NOTUM: variants seen among roughly 807,000 people sequenced by gnomAD.
NOTUM encodes the protein notum, palmitoleoyl-protein carboxylesterase.
A neutral mutation model predicts 65.5 loss-of-function variants in NOTUM; 36 were observed. The observed-to-expected ratio is 0.55, with a 90% CI of 0.42 to 0.73. The LOEUF is 0.73. Ranked by LOEUF, NOTUM falls within the 30% of genes least tolerant of loss-of-function variation. The pLI is 0.00. For synonymous variants in NOTUM, 356 were observed against 297.9 expected, an observed-to-expected ratio of 1.20 and a Z score of -2.01; for missense variants, 659 against 694.2, an observed-to-expected ratio of 0.95 and a Z score of 0.57.
rs1272626785 is a variant in NOTUM at position 81,959,014 on chromosome 17, T to C, written c.473-19A>G. On this transcript the variant is annotated intron_variant, in intron 3 of 10. Transcript: ENST00000409678. ...CCTGTGCCTGGGGACACAGAGGCGG[T>C]GGGTCTTTCTAGCGGGAGGAGGCTG... 6.2e-7 allele frequency: 1 copy of C among 1,609,762 alleles called. No homozygotes were observed. The highest frequency in any genetic ancestry group is 8.5e-7 in the Non-Finnish European group (1 of 1,177,252).
rs958920873 is a variant in NOTUM at position 81,960,448 on chromosome 17, C to T, written c.323+139G>A. ...ACGCGGAGAGTCACCGAACCGGGCACTCCTCGGGGCCAGGACCGCGGGGCG... is the reference window on the plus strand; with the variant it reads ...ACGCGGAGAGTCACCGAACCGGGCATTCCTCGGGGCCAGGACCGCGGGGCG... On this transcript the variant is annotated intron_variant, in intron 1 of 10. Transcript: ENST00000409678. The surrounding 1 kb of genome is among the most constrained non-coding windows in gnomAD (Gnocchi z 6.4). 4 of 566,558 alleles carry T rather than the reference C, an allele frequency of 7.1e-6. No individual in the cohort carries two copies. The highest frequency in any genetic ancestry group is 7.2e-5 in the Admixed American group (2 of 27,892). 35.1% of individuals were successfully genotyped at this position (566,558 alleles called of 1,614,324 possible). A position where few individuals can be genotyped will look rare whatever the true frequency, so the allele number is the denominator to read the frequency against.
chr17:81,955,823 T>C (rs1406962179), intron 8 of NOTUM, among the ~76,000 whole-genome samples: 1 of 73,036 alleles, frequency 1.4e-5, no homozygotes, highest in East Asian at 4.0e-4. Context: ...GCCCCTGCAG[T>C]GCCCCCCATC....
intron 9 of NOTUM, 82 bp downstream of exon 9, chr17:81,955,312 TTTC>T (rs1409325602): frequency 5.5e-6 from 7 of 1,265,642 alleles, no homozygotes; most frequent in Non-Finnish European, 6.5e-6. Context: ...TGTTCTGGTT[TTTC>T]TTCTTTTGTT....
At chr17:81,958,261 C>T (rs1361794659) in intron 5 of NOTUM, 74 bp downstream of exon 5, 4 of 993,984 alleles carry the variant, frequency 4.0e-6, no homozygotes, top group Non-Finnish European at 6.4e-6. Flanking sequence ...CCTGCCCTGC[C>T]GTCCTGCCTC....
At chr17:81,959,090 C>A in intron 3 of NOTUM, 95 bp from the exon 4 acceptor site, 1 of 1,057,038 alleles carries the variant, frequency 9.5e-7, no homozygotes, top group South Asian at 1.3e-5. Context: ...TCCTACTTGG[C>A]CCCAGGAAGG....
chr17:81,958,195 G>T (rs539690893), intron 5 of NOTUM, 140 bp downstream of exon 5: 8 of 671,500 alleles, frequency 1.2e-5, no homozygotes, highest in African/African-American at 1.1e-4. Flanking sequence ...GGCTTTGAAA[G>T]CACGACAAGG....
chr17:81,953,340 T>G, intron 10 of NOTUM, 73 bp from the exon 11 acceptor site: 1 of 977,278 alleles, frequency 1.0e-6, no homozygotes, highest in South Asian at 1.6e-5. Flanking sequence ...GTTTTTTTTT[T>G]TGAGACCAGC....
At chr17:81,957,436 G>A (rs1424615199) in intron 6 of NOTUM, among the ~76,000 whole-genome samples, 1 of 152,134 alleles carries the variant, frequency 6.6e-6, no homozygotes, top group African/African-American at 2.4e-5. Context: ...TGCCTGCTGG[G>A]ATACAGGAAC....
At position 81,961,154 on chromosome 17, in the gene NOTUM, G is replaced by A. The variant is rs2041475346; in HGVS notation, c.-245C>T. 6.7e-6 allele frequency: 1 copy of A among 149,790 alleles called. No homozygotes were observed. Among genetic ancestry groups the A allele is most frequent in the African/African-American group, 2.4e-5 (1 of 41,004 alleles). The allele number at this position is 149,790 out of a possible 1,614,324, so 9.3% of individuals were successfully genotyped here. A position where few individuals can be genotyped will look rare whatever the true frequency, so the allele number is the denominator to read the frequency against. On this transcript the variant is annotated 5_prime_UTR_variant, in exon 1 of 11. Transcript: ENST00000409678. ...CGCCCGGCCGTCCGAGGGCAGCGCAGGGTCTGGGTGCGCTGGCTGCGGCCC... is the reference window on the plus strand; with the variant it reads ...CGCCCGGCCGTCCGAGGGCAGCGCAAGGTCTGGGTGCGCTGGCTGCGGCCC...
Position 81,958,379 on chromosome 17 carries a change from C to T in NOTUM, c.548G>A (p.Cys183Tyr). ...AGCCCCGCTCCAAACATCACTGGAG[C>T]AGTAGGGGATGAAGCTGCAACACAG... ...WNANMVFIPY[C>Y]SSDVWSGASS... Residue 183 changes from cysteine to tyrosine, a missense_variant, in exon 5 of 11, where the codon TGC (cysteine) becomes TAC (tyrosine). Physicochemically the swap from Cys to Tyr is radical, Grantham distance 194 (BLOSUM62 -2). Transcript: ENST00000409678. The T allele has an allele frequency of 6.2e-7, 1 of 1,610,616 alleles. No homozygotes were observed.
In NOTUM at chr17:81,958,532, C is replaced by T. The variant is rs1342917774; in HGVS notation, c.534-139G>A. On this transcript the variant is annotated intron_variant, in intron 4 of 10. Coordinates refer to ENST00000409678, the MANE Select transcript of NOTUM (RefSeq NM_178493.6). ...GAAGGACCATCCCAGGATAGAACTT[C>T]CCCTCAAGAAAGACCTCCAGCGTAA... 6 of 654,258 alleles carry T rather than the reference C, an allele frequency of 9.2e-6. No individual in the cohort carries two copies. In the African/African-American group the frequency reaches 1.1e-4, roughly 12 times the overall value. 40.5% of individuals were successfully genotyped at this position (654,258 alleles called of 1,614,324 possible).
intron 9 of NOTUM, among the ~76,000 whole-genome samples, chr17:81,954,629 G>T (rs1033247693): frequency 2.6e-5 from 4 of 152,142 alleles, no homozygotes; most frequent in African/African-American, 9.7e-5. Flanking sequence ...TGGCTCTATC[G>T]CCCCAGCTGG....
intron 8 of NOTUM, among the ~76,000 whole-genome samples, chr17:81,955,854 C>T (rs1203913157): frequency 1.5e-5 from 2 of 137,112 alleles, no homozygotes; most frequent in East Asian, 4.4e-4. Flanking sequence ...AGCTCAGCAC[C>T]CCCCAGGCCC....
chr17:81,960,496 C>G lies in NOTUM; in HGVS notation c.323+91G>C. On this transcript the variant is annotated intron_variant, in intron 1 of 10. Coordinates refer to ENST00000409678, the MANE Select transcript of NOTUM (RefSeq NM_178493.6). The surrounding 1 kb of genome is among the most constrained non-coding windows in gnomAD (Gnocchi z 6.4). ...GCGCCCGACGGAAGCCCTTTCTCCC[C>G]GGGGAGAGAACGGCCGCGGCCCGCA... 1.1e-6 allele frequency: 1 copy of G among 945,404 alleles called. No individual in the cohort carries two copies. Among genetic ancestry groups the G allele is most frequent in the Non-Finnish European group, 1.5e-6 (1 of 669,780 alleles). The allele number at this position is 945,404 out of a possible 1,614,324, so 58.6% of individuals were successfully genotyped here. A position where few individuals can be genotyped will look rare whatever the true frequency, so the allele number is the denominator to read the frequency against.
intron 9 of NOTUM, among the ~76,000 whole-genome samples, chr17:81,954,950 T>TC (rs200631201): frequency 1.8e-5 from 2 of 113,202 alleles, no homozygotes; most frequent in Non-Finnish European, 4.2e-5. Flanking sequence ...TCTCTCTCTC[T>TC]CTCTCTCTCC....
At position 81,960,757 on chromosome 17, in the gene NOTUM, G is replaced by A. The variant is rs1382972468; in HGVS notation, c.153C>T (p.Ser51=). Residue 51 remains serine, a synonymous_variant, in exon 1 of 11, where the codon AGC becomes AGT. Transcript: ENST00000409678. The surrounding 1 kb of genome is among the most constrained non-coding windows in gnomAD (Gnocchi z 6.4). Reference sequence around the variant, plus strand: ...CCACGGCCGTGAAGTCCAGCGGGAAGCTCTCCACGGGCTGTCCGGCCGCCG... The same window carrying A: ...CCACGGCCGTGAAGTCCAGCGGGAAACTCTCCACGGGCTGTCCGGCCGCCG... The part of the protein sequence containing the change: ...AAPAAGQPVE[S]FPLDFTAVEG... The A allele has an allele frequency of 1.3e-6, 2 of 1,591,664 alleles. No homozygotes were observed. The highest frequency in any genetic ancestry group is 1.3e-5 in the African/African-American group (1 of 74,552).
chr17:81,959,282 A>G, intron 3 of NOTUM, 189 bp downstream of exon 3: 1 of 615,056 alleles, frequency 1.6e-6, no homozygotes, highest in Non-Finnish European at 2.9e-6. Context: ...CCGCTGGGTA[A>G]GCGCCTGAAT....
In NOTUM at chr17:81,960,039, GGGGGAACGGGACGCCGC is replaced by G. The variant is rs2041462425; in HGVS notation, c.324-364_324-348del. Among the ~76,000 whole-genome samples, 2 of 152,006 alleles carry G rather than the reference GGGGGAACGGGACGCCGC, an allele frequency of 1.3e-5. No homozygotes were observed. The highest frequency in any genetic ancestry group is 1.3e-4 in the Admixed American group (2 of 15,256). ...TCCGCACTGAAGGAGCGCGCTTGGCGGGGGAACGGGACGCCGCGGGGAGCGCGGGAGGCGCGGGCGGC... is the reference window on the plus strand; with the variant it reads ...TCCGCACTGAAGGAGCGCGCTTGGCGGGGGAGCGCGGGAGGCGCGGGCGGC... On this transcript the variant is annotated intron_variant, in intron 1 of 10. Transcript: ENST00000409678. The surrounding 1 kb of genome is among the most constrained non-coding windows in gnomAD (Gnocchi z 6.4).
At chr17:81,958,611 T>C (rs552537628) in intron 4 of NOTUM, among the ~76,000 whole-genome samples, 1 of 144,942 alleles carries the variant, frequency 6.9e-6, no homozygotes, top group South Asian at 2.2e-4. Context: ...AAAGACCAAC[T>C]CAGGACAGGA....
Sources: gnomAD v4.1 joint callset for allele counts (sites outside exome capture counted in the v4.1 genomes callset) on GRCh38, gnomAD v4.1.1 for gene constraint, Gnocchi (gnomAD v3.1) non-coding constraint, MANE v1.5 for transcripts, NCBI Gene and HGNC (gene_info 2026-07-23, HGNC 2026-07-21) for gene names.